PTCD3: variants seen among roughly 807,000 people sequenced by gnomAD.
PTCD3 encodes the protein pentatricopeptide repeat domain 3.
In PTCD3, 89 loss-of-function variants were observed where a neutral mutation model predicts 101.9. The observed-to-expected ratio is 0.87, with a 90% confidence interval of 0.74 to 1.04. PTCD3 has a LOEUF of 1.04. PTCD3 is among the 50% of genes least tolerant of loss of function. The pLI, the probability that PTCD3 is intolerant of heterozygous loss-of-function variation, is 0.00. For synonymous variants in PTCD3, 296 were observed against 278.5 expected, an observed-to-expected ratio of 1.06 and a Z score of -0.63; for missense variants, 870 against 828.2, an observed-to-expected ratio of 1.05 and a Z score of -0.62.
chr2:86,133,171 A>T lies in PTCD3; in HGVS notation c.1374-7A>T. On this transcript the variant is annotated splice_polypyrimidine_tract_variant and splice_region_variant and intron_variant, in intron 17 of 23. Coordinates refer to ENST00000254630, the MANE Select transcript of PTCD3 (RefSeq NM_017952.6). Reference sequence around the variant, plus strand: ...TAGACTAAACATACTTTTTGCCTTCATCACAGTTCCAAGTTCTTCGATTTG... The same window carrying T: ...TAGACTAAACATACTTTTTGCCTTCTTCACAGTTCCAAGTTCTTCGATTTG... The T allele has an allele frequency of 6.2e-7, 1 of 1,612,068 alleles. No homozygotes were observed. The highest frequency in any genetic ancestry group is 8.5e-7 in the Non-Finnish European group (1 of 1,179,426).
chr2:86,136,463 G>T, intron 21 of PTCD3, 58 bp from the exon 22 acceptor site: 2 of 1,481,454 alleles, frequency 1.4e-6, no homozygotes, highest in Non-Finnish European at 1.9e-6. Flanking sequence ...GACAGCTATA[G>T]TGTCTGATTG....
chr2:86,125,538 G>T, intron 11 of PTCD3, 23 bp downstream of exon 11: 1 of 1,579,468 alleles, frequency 6.3e-7, no homozygotes, highest in Non-Finnish European at 8.7e-7. Context: ...ACTCCCCTCT[G>T]TCCCTTTCTC....
chr2:86,131,221 T>G (rs547947113), intron 16 of PTCD3, 115 bp downstream of exon 16: 361 of 772,914 alleles, frequency 4.7e-4, no homozygotes, highest in Admixed American at 1.5e-3. Flanking sequence ...TTTGCTTCTG[T>G]TTTTTCTTCT....
chr2:86,135,510 C>T (rs1455524985), intron 21 of PTCD3, among the ~76,000 whole-genome samples: 1 of 152,212 alleles, frequency 6.6e-6, no homozygotes, highest in Non-Finnish European at 1.5e-5. Context: ...ACTTCATTCA[C>T]ATACTAATTT....
intron 4 of PTCD3, among the ~76,000 whole-genome samples, chr2:86,114,614 C>T (rs1674148189): frequency 6.6e-6 from 1 of 152,148 alleles, no homozygotes; most frequent in South Asian, 2.1e-4. Context: ...AAAACCAAAC[C>T]CCATTCCCTC....
rs937579086 is a variant in PTCD3, at chr2:86,118,793, G to A, written c.415-128G>A. The A allele has an allele frequency of 1.6e-4, 160 of 1,022,010 alleles. 1 individual carries two copies. Among genetic ancestry groups the A allele is most frequent in the Non-Finnish European group, 2.1e-4 (148 of 699,528 alleles). 63.3% of individuals were successfully genotyped at this position (1,022,010 alleles called of 1,614,324 possible). ...GTTAAAATGATCAGTAGTATCTGGTGCAGGAAACATGAATTGGAGCAGTGA... is the reference window on the plus strand; with the variant it reads ...GTTAAAATGATCAGTAGTATCTGGTACAGGAAACATGAATTGGAGCAGTGA... On this transcript the variant is annotated intron_variant, in intron 6 of 23. Coordinates refer to ENST00000254630, the MANE Select transcript of PTCD3 (RefSeq NM_017952.6).
Position 86,117,102 on chromosome 2 carries a change from T to G in PTCD3, c.357T>G (p.Phe119Leu). 6.7e-7 allele frequency: 1 copy of G among 1,496,370 alleles called. No homozygotes were observed. Among genetic ancestry groups the G allele is most frequent in the African/African-American group, 1.4e-5 (1 of 72,622 alleles). The allele number at this position is 1,496,370 out of a possible 1,614,324, so 92.7% of individuals were successfully genotyped here. A position where few individuals can be genotyped will look rare whatever the true frequency, so the allele number is the denominator to read the frequency against. Residue 119 changes from phenylalanine to leucine, a missense_variant, in exon 6 of 24, where the codon TTT becomes TTG. Phe to Leu is a conservative substitution (Grantham distance 22, BLOSUM62 0). Transcript: ENST00000254630. The part of the protein sequence containing the change: ...AKKSGENVAK[F>L]IINSYPKYFQ... The stretch of plus-strand genomic sequence containing the variant: ...AATCCGGGGAGAATGTGGCCAAGTT[T>G]ATTATTAATTCATACCCCAAATATT...
At chr2:86,113,752 G>A (rs570329420) in intron 4 of PTCD3, among the ~76,000 whole-genome samples, 37 of 152,074 alleles carry the variant, frequency 2.4e-4, no homozygotes, top group African/African-American at 8.0e-4. Flanking sequence ...TGGAGGTTGC[G>A]GTGAGCCAGG....
In PTCD3 at chr2:86,139,182, A is replaced by C. The variant is rs544091779; in HGVS notation, c.*1623A>C. The C allele has an allele frequency of 3.7e-4, 56 of 152,292 alleles. No homozygotes were observed. Among genetic ancestry groups the C allele is most frequent in the African/African-American group, 1.3e-3 (53 of 41,552 alleles). The allele number at this position is 152,292 out of a possible 1,614,324, so 9.4% of individuals were successfully genotyped here. Reference sequence around the variant, plus strand: ...TCTCTGTAAATGCTTATTTTATCATAGTCTTTAGCCTCTACTATGAGTAAA... The same window carrying C: ...TCTCTGTAAATGCTTATTTTATCATCGTCTTTAGCCTCTACTATGAGTAAA... On this transcript the variant is annotated 3_prime_UTR_variant, in exon 24 of 24. Transcript: ENST00000254630.
rs1170037828 is a variant in PTCD3 at position 86,121,503 on chromosome 2, C to T, written c.563C>T (p.Thr188Ile). The change falls in exon 8 of 24, where the codon ACA becomes ATA. Residue 188 changes from threonine (T) to isoleucine (I), a missense_variant. By Grantham distance (89) the Thr-to-Ile change is moderately conservative (BLOSUM62 -1). Coordinates refer to ENST00000254630, the MANE Select transcript of PTCD3 (RefSeq NM_017952.6). ...GGAACCACTGTGTCTCTTGAAACAA[C>T]AAATAGTCTCTTGGATTTATTGTGT... Reference protein sequence around the residue: ...QAGTTVSLETTNSLLDLLCYY... With the variant: ...QAGTTVSLETINSLLDLLCYY... The T allele has an allele frequency of 1.9e-6, 3 of 1,605,362 alleles. No individual in the cohort carries two copies. Among genetic ancestry groups the T allele is most frequent in the Admixed American group, 3.4e-5 (2 of 58,312 alleles).
At chr2:86,125,246 T>C (rs1344077462) in intron 10 of PTCD3, among the ~76,000 whole-genome samples, 164 bp downstream of exon 10, 4 of 152,188 alleles carry the variant, frequency 2.6e-5, no homozygotes, top group Non-Finnish European at 2.9e-5. Context: ...GTGAGTAGTG[T>C]ACTCCTCCCC....
At chr2:86,123,498 C>T (rs1000287796) in intron 8 of PTCD3, among the ~76,000 whole-genome samples, 2 of 152,162 alleles carry the variant, frequency 1.3e-5, no homozygotes, top group African/African-American at 2.4e-5. Context: ...CTTTGAGAGT[C>T]AACTTGGCCT....
intron 4 of PTCD3, among the ~76,000 whole-genome samples, chr2:86,114,620 C>A (rs1674148270): frequency 2.6e-5 from 4 of 152,172 alleles, no homozygotes; most frequent in Non-Finnish European, 5.9e-5. Flanking sequence ...AAACCCCATT[C>A]CCTCCAAACA....
rs568455656 is a variant in PTCD3, at chr2:86,112,828, C to T, written c.240+1670C>T. Among the ~76,000 whole-genome samples the T allele has an allele frequency of 3.9e-5, 6 of 152,084 alleles. No individual in the cohort carries two copies. In the East Asian group the frequency reaches 1.2e-3, roughly 29 times the overall value. ...AGGCTTAATTTCACGCCTTTTATCT[C>T]GAAATGCAGTGTTTTTCTACCATAC... On this transcript the variant is annotated intron_variant, in intron 4 of 23. Transcript: ENST00000254630.
At position 86,137,093 on chromosome 2, in the gene PTCD3, C is replaced by T; in HGVS notation, c.1932C>T (p.Gly644=). 1 of 1,610,700 alleles carries T rather than the reference C, an allele frequency of 6.2e-7. No individual in the cohort carries two copies. Residue 644 remains glycine (G), a synonymous_variant, in exon 23 of 24, where the codon GGC becomes GGT. Transcript: ENST00000254630. ...ASAFSLPICE[G]LTQRVMSDFA... ...CCTTCAGCTTACCTATTTGTGAGGGCCTCACCCAGAGAGTAATGAGTGATT... is the reference window on the plus strand; with the variant it reads ...CCTTCAGCTTACCTATTTGTGAGGGTCTCACCCAGAGAGTAATGAGTGATT...
chr2:86,116,493 A>C, intron 4 of PTCD3, 37 bp from the exon 5 acceptor site: 1 of 1,536,346 alleles, frequency 6.5e-7, no homozygotes, highest in Non-Finnish European at 9.0e-7. Flanking sequence ...GCTGTCTTCA[A>C]AATAAATATA....
At chr2:86,130,863 G>A in intron 15 of PTCD3, 126 bp downstream of exon 15, 1 of 1,438,706 alleles carries the variant, frequency 7.0e-7, no homozygotes, top group Non-Finnish European at 9.1e-7. Flanking sequence ...AAATAAATTT[G>A]AGTACATAGT....
chr2:86,124,053 A>G (rs1269800042), intron 9 of PTCD3, among the ~76,000 whole-genome samples: 1 of 152,170 alleles, frequency 6.6e-6, no homozygotes, highest in East Asian at 1.9e-4. Flanking sequence ...TTTCATTAAC[A>G]GTGCTACCTT....
intron 21 of PTCD3, chr2:86,135,847 G>T: frequency 2.0e-6 from 1 of 501,266 alleles, no homozygotes; most frequent in Non-Finnish European, 4.0e-6. Flanking sequence ...AGCGCAGGCA[G>T]TTTGGCACAC....
Sources: allele counts gnomAD v4.1 joint callset (sites outside exome capture counted in the v4.1 genomes callset), GRCh38; gene constraint gnomAD v4.1.1; transcripts MANE v1.5; gene names NCBI Gene and HGNC (gene_info 2026-07-23, HGNC 2026-07-21).